Variants in SYNE1 observed in about 807,000 individuals in gnomAD.
SYNE1 encodes the protein spectrin repeat containing nuclear envelope protein 1, also known as nesprin-1.
SYNE1 carries 616 observed loss-of-function variants against 1,111.0 expected under a neutral mutation model. The observed-to-expected ratio is 0.55, with a 90% CI of 0.52 to 0.59. SYNE1 has a LOEUF of 0.59. Among genes scored for constraint, SYNE1 ranks in the 20% least tolerant of loss-of-function variants. SYNE1 has a pLI of 0.00. For synonymous variants in SYNE1, 3,855 were observed against 3,825.8 expected (o/e 1.01, Z -0.28); for missense variants, 10,006 against 10,417.0 (o/e 0.96, Z 1.72).
chr6:152,631,084 T>G (rs2099697158), intron 2 of SYNE1, among the ~76,000 whole-genome samples: 1 of 151,970 alleles, frequency 6.6e-6, no homozygotes, highest in African/African-American at 2.4e-5. Context: ...AGATAAAACA[T>G]AGAAAAGATA....
intron 53 of SYNE1, 65 bp downstream of exon 53, chr6:152,390,215 C>T (rs1179082855): frequency 6.3e-7 from 1 of 1,576,086 alleles, no homozygotes; most frequent in African/African-American, 1.4e-5. Context: ...GACCTCAGTA[C>T]TGCTCCATCA....
At chr6:152,323,436 A>G (rs1563061421) in intron 82 of SYNE1, 42 bp downstream of exon 82, 1 of 1,599,730 alleles carries the variant, frequency 6.3e-7, no homozygotes, top group Admixed American at 1.7e-5. Flanking sequence ...GAGACTCCAA[A>G]CAAACAAACA....
chr6:152,526,091 C>T lies in SYNE1; in HGVS notation c.214G>A (p.Gly72Arg). Reference protein sequence around the residue: ...KLLALLEVLSGQKLPCEQGRR... With the variant: ...KLLALLEVLSRQKLPCEQGRR... ...AAAAAAATTCTTACCAGTTTCTGCC[C>T]AGACAGGACCTCCAGAAGGGCAAGC... The change falls in exon 5 of 146, where the codon GGG becomes AGG. Residue 72 changes from glycine to arginine, a missense_variant. Physicochemically the swap from Gly to Arg is moderately radical, Grantham distance 125. Coordinates refer to ENST00000367255, the MANE Select transcript of SYNE1 (RefSeq NM_182961.4). 6 of 1,614,008 alleles carry T rather than the reference C, an allele frequency of 3.7e-6. No homozygotes were observed. In the South Asian group the frequency reaches 4.4e-5, roughly 12 times the overall value.
intron 21 of SYNE1, 94 bp downstream of exon 21, chr6:152,461,500 AAGT>A (rs2098733844): frequency 1.4e-6 from 2 of 1,463,910 alleles, no homozygotes; most frequent in Admixed American, 1.7e-5. Flanking sequence ...CATCGTTAAC[AAGT>A]AAACACTTTG....
intron 34 of SYNE1, among the ~76,000 whole-genome samples, chr6:152,432,668 T>C (rs913157545): frequency 2.0e-5 from 3 of 152,112 alleles, no homozygotes; most frequent in African/African-American, 7.2e-5. Flanking sequence ...AAAAAATAAA[T>C]ACGTTGAAAA....
intron 100 of SYNE1, among the ~76,000 whole-genome samples, chr6:152,264,749 A>G (rs372140813): frequency 2.7e-4 from 41 of 152,258 alleles, no homozygotes; most frequent in African/African-American, 9.4e-4. Context: ...GCAGTAAGCT[A>G]TAATCACACC....
chr6:152,381,339 A>G lies in SYNE1; in HGVS notation c.8676T>C (p.Ile2892=), dbSNP rs766436819. The G allele has an allele frequency of 1.2e-6, 2 of 1,613,882 alleles. No individual in the cohort carries two copies. Among genetic ancestry groups the G allele is most frequent in the Non-Finnish European group, 1.7e-6 (2 of 1,180,042 alleles). ...CCACTCTGCTGAGACGGCTTGCACC[A>G]ATCTCTCTGGAATCTATCAGCTCCT... ...KIKELIDSRE[I]GASRLSRVES... Residue 2892 remains isoleucine (I), a synonymous_variant, in exon 56 of 146, where the codon ATT becomes ATC. Coordinates refer to ENST00000367255, the MANE Select transcript of SYNE1 (RefSeq NM_182961.4).
At chr6:152,324,036 A>C (rs1361519575) in intron 81 of SYNE1, among the ~76,000 whole-genome samples, 1 of 152,252 alleles carries the variant, frequency 6.6e-6, no homozygotes. Flanking sequence ...CCAATATTTA[A>C]GTTAACATAA....
rs199769508 is a variant in SYNE1, at chr6:152,430,168, G to A, written c.4732C>T (p.Pro1578Ser). 3.5e-4 allele frequency: 560 copies of A among 1,604,872 alleles called. 1 individual carries two copies. The highest frequency in any genetic ancestry group is 4.4e-4 in the Non-Finnish European group (512 of 1,174,168). The stretch of plus-strand genomic sequence containing the variant: ...GTAGCTGAAGAACATATTTTAATTG[G>A]AACAGCAAGTTTATCTTCAAATTCA... ...VSEFEDKLAV[P>S]IKICSSATET... is the part of the protein sequence containing the mutation. Residue 1578 changes from proline (P) to serine (S), a missense_variant, in exon 36 of 146, where the codon CCA becomes TCA. By Grantham distance (74) the Pro-to-Ser change is moderately conservative. Coordinates refer to ENST00000367255, the MANE Select transcript of SYNE1 (RefSeq NM_182961.4).
chr6:152,594,273 T>C (rs1397882245), intron 3 of SYNE1, among the ~76,000 whole-genome samples: 1 of 152,142 alleles, frequency 6.6e-6, no homozygotes, highest in African/African-American at 2.4e-5. Flanking sequence ...AGTGTTGACC[T>C]GTAAGAGAGG....
At chr6:152,522,761 G>T (rs139069569) in intron 5 of SYNE1, among the ~76,000 whole-genome samples, 5,632 of 152,150 alleles carry the variant, frequency 0.037, 146 homozygotes, top group Non-Finnish European at 0.057. Context: ...GCAGGGGTAA[G>T]GTGGTATCTC....
chr6:152,157,290 C>T (rs6912041), intron 131 of SYNE1, among the ~76,000 whole-genome samples: 44,689 of 151,952 alleles, frequency 0.29, 8,152 homozygotes, highest in African/African-American at 0.51. Flanking sequence ...TGGATGGAAC[C>T]GGAGGTCACT....
At chr6:152,401,054 G>T in intron 47 of SYNE1, 84 bp downstream of exon 47, 3 of 1,375,498 alleles carry the variant, frequency 2.2e-6, no homozygotes, top group Non-Finnish European at 3.1e-6. Flanking sequence ...GAGAGCAGAG[G>T]TTATATTTTT....
Position 152,236,096 on chromosome 6 carries a change from C to A in SYNE1, c.20396+11G>T. ...CTTATCTAAAAATATACAAAACAGT[C>A]ATTGTATTACCTGGTCCAGTGTTTC... On this transcript the variant is annotated intron_variant, in intron 110 of 145. Coordinates refer to ENST00000367255, the MANE Select transcript of SYNE1 (RefSeq NM_182961.4). The A allele has an allele frequency of 6.2e-7, 1 of 1,612,740 alleles. No individual in the cohort carries two copies. Among genetic ancestry groups the A allele is most frequent in the South Asian group, 1.1e-5 (1 of 91,002 alleles).
chr6:152,376,724 A>G, intron 57 of SYNE1, 52 bp downstream of exon 57: 1 of 1,609,034 alleles, frequency 6.2e-7, no homozygotes, highest in Non-Finnish European at 8.5e-7. Flanking sequence ...ATAAACTTCT[A>G]GCTTCTAATT....
At position 152,344,330 on chromosome 6, in the gene SYNE1, C is replaced by T. The variant is rs541944699; in HGVS notation, c.12079-103G>A. ...TGACCAGTACATCTAAATGGATTTT[C>T]CCCCCAAGATTCTGCAATTTCATCT... On this transcript the variant is annotated intron_variant, in intron 73 of 145. Transcript: ENST00000367255. The T allele has an allele frequency of 2.8e-3, 707 of 253,340 alleles. 4 individuals carry two copies. Among genetic ancestry groups the T allele is most frequent in the African/African-American group, 0.026 (617 of 23,532 alleles). The allele number at this position is 253,340 out of a possible 1,614,324, so 15.7% of individuals were successfully genotyped here.
Position 152,318,895 on chromosome 6 carries a change from C to T in SYNE1, c.16357G>A (p.Asp5453Asn). The change falls in exon 85 of 146, where the codon GAT (aspartate) becomes AAT (asparagine). Residue 5453 changes from aspartate (D) to asparagine (N), a missense_variant. Transcript: ENST00000367255. ...TCAGTTTTAGCTTGAACTACATTAT[C>T]TGTCTTCGCTTTCAGCTTAGTTAGA... ...TILTKLKAKTDNVVQAKTDQK... is the reference protein window; with the variant it reads ...TILTKLKAKTNNVVQAKTDQK... 1 of 1,614,186 alleles carries T rather than the reference C, an allele frequency of 6.2e-7. No homozygotes were observed. Among genetic ancestry groups the T allele is most frequent in the Non-Finnish European group, 8.5e-7 (1 of 1,180,030 alleles).
At chr6:152,391,687 C>A in intron 51 of SYNE1, 119 bp from the exon 52 acceptor site, 1 of 1,220,076 alleles carries the variant, frequency 8.2e-7, no homozygotes, top group South Asian at 1.6e-5. Flanking sequence ...TCATAGCTGA[C>A]ATGCCTTTTA....
intron 58 of SYNE1, among the ~76,000 whole-genome samples, chr6:152,374,511 T>C (rs569819396): frequency 1.1e-4 from 17 of 152,168 alleles, no homozygotes; most frequent in Non-Finnish European, 1.9e-4. Flanking sequence ...TGGTGGCTCA[T>C]GCCTGTAATC....
Sources: gnomAD v4.1 joint callset for allele counts (sites outside exome capture counted in the v4.1 genomes callset) on GRCh38, gnomAD v4.1.1 for gene constraint, MANE v1.5 for transcripts, NCBI Gene and HGNC (gene_info 2026-07-23, HGNC 2026-07-21) for gene names.